Variants in SCLY observed in about 807,000 individuals in gnomAD.
The protein encoded by SCLY is putative selenocysteine lyase.
In SCLY, 38 loss-of-function variants were observed where a neutral mutation model predicts 50.1. The ratio of observed to expected loss-of-function variants is 0.76; its 90% confidence interval spans 0.59 to 0.99. SCLY has a LOEUF of 0.99. Ranked by LOEUF, SCLY falls within the 50% of genes least tolerant of loss-of-function variation. The probability of loss-of-function intolerance (pLI) is 0.00; values close to 1 mark genes in which losing one functional copy is unlikely to be tolerated. For missense variants in SCLY, 600 were observed against 620.0 expected, an observed-to-expected ratio of 0.97 and a Z score of 0.34; for synonymous variants, 243 against 249.4, an observed-to-expected ratio of 0.97 and a Z score of 0.24.
At chr2:238,075,224 A>C (rs541288886) in intron 4 of SCLY, among the ~76,000 whole-genome samples, 13 of 152,292 alleles carry the variant, frequency 8.5e-5, no homozygotes, top group Admixed American at 6.5e-4. Context: ...GTATTACCTT[A>C]ACTAATTTTT....
chr2:238,072,708 T>G (rs1015518416), intron 4 of SCLY, among the ~76,000 whole-genome samples: 1 of 152,268 alleles, frequency 6.6e-6, no homozygotes, highest in African/African-American at 2.4e-5. Flanking sequence ...ATTAAAGTCC[T>G]TGCTCCTATT....
intron 1 of SCLY, among the ~76,000 whole-genome samples, chr2:238,062,600 T>C (rs918686157): frequency 2.0e-5 from 3 of 152,174 alleles, no homozygotes; most frequent in Non-Finnish European, 4.4e-5. Context: ...TTAGTAGAGA[T>C]GGGGTTTCGC....
chr2:238,089,619 T>C (rs950916851), intron 7 of SCLY, among the ~76,000 whole-genome samples: 1 of 150,220 alleles, frequency 6.7e-6, no homozygotes, highest in African/African-American at 2.4e-5. Context: ...ATAAACTTTC[T>C]TAAAACATTG....
At chr2:238,088,847 T>A (rs2065329434) in intron 7 of SCLY, among the ~76,000 whole-genome samples, 1 of 152,220 alleles carries the variant, frequency 6.6e-6, no homozygotes, top group Admixed American at 6.5e-5. Context: ...TTTACTCCTG[T>A]GGCTGGGGGA....
At chr2:238,089,433 A>G (rs2065337695) in intron 7 of SCLY, among the ~76,000 whole-genome samples, 1 of 152,128 alleles carries the variant, frequency 6.6e-6, no homozygotes, top group African/African-American at 2.4e-5. Flanking sequence ...ACCGCAGGAG[A>G]CGCAAATCAG....
At chr2:238,078,154 A>G (rs2065193084) in intron 4 of SCLY, among the ~76,000 whole-genome samples, 1 of 152,196 alleles carries the variant, frequency 6.6e-6, no homozygotes, top group Non-Finnish European at 1.5e-5. Flanking sequence ...GGGTTTCACC[A>G]TGTTGGCCAG....
At chr2:238,076,903 T>C (rs1481193858) in intron 4 of SCLY, among the ~76,000 whole-genome samples, 2 of 152,192 alleles carry the variant, frequency 1.3e-5, no homozygotes, top group Non-Finnish European at 2.9e-5. Flanking sequence ...CTAGAGTATA[T>C]GTCAAGTGCA....
intron 1 of SCLY, among the ~76,000 whole-genome samples, chr2:238,062,806 T>G (rs541692877): frequency 5.3e-5 from 8 of 152,292 alleles, no homozygotes; most frequent in Admixed American, 1.3e-4. Context: ...AGTCATTGTA[T>G]CTGGGTTTTC....
At chr2:238,092,626 CCTT>C (rs1330714814) in intron 8 of SCLY, 3 of 152,344 alleles carry the variant, frequency 2.0e-5, no homozygotes, top group Non-Finnish European at 2.9e-5. Context: ...CAGCCCCTGA[CCTT>C]CTCCGTGCTC....
intron 4 of SCLY, 87 bp from the exon 5 acceptor site, chr2:238,081,622 G>C: frequency 6.6e-7 from 1 of 1,516,932 alleles, no homozygotes; most frequent in Non-Finnish European, 9.0e-7. Context: ...TTTTATAGTT[G>C]TAGAAAACTG....
intron 7 of SCLY, among the ~76,000 whole-genome samples, chr2:238,085,417 A>T (rs2065283440): frequency 6.6e-6 from 1 of 151,932 alleles, no homozygotes; most frequent in South Asian, 2.1e-4. Context: ...GACCACAGAG[A>T]AGAAATAGAG....
At position 238,067,542 on chromosome 2, in the gene SCLY, C is replaced by T. The variant is rs183598983; in HGVS notation, c.203-523C>T. ...AACTGGGTGATGGCCGGATGCATAGCCCTGTTTGAAAGCAGGTGTGTCCCT... is the reference window on the plus strand; with the variant it reads ...AACTGGGTGATGGCCGGATGCATAGTCCTGTTTGAAAGCAGGTGTGTCCCT... On this transcript the variant is annotated intron_variant, in intron 2 of 11. Coordinates refer to ENST00000254663, the MANE Select transcript of SCLY (RefSeq NM_016510.7). The surrounding 1 kb of genome is among the most constrained non-coding windows in gnomAD (Gnocchi z 4.3). Among the ~76,000 whole-genome samples the T allele has an allele frequency of 7.2e-5, 11 of 152,326 alleles. No individual in the cohort carries two copies. Among genetic ancestry groups the T allele is most frequent in the African/African-American group, 2.4e-4 (10 of 41,584 alleles).
At chr2:238,087,674 T>C (rs2065312585) in intron 7 of SCLY, among the ~76,000 whole-genome samples, 1 of 146,910 alleles carries the variant, frequency 6.8e-6, no homozygotes, top group Non-Finnish European at 1.5e-5. Context: ...AGTATTATCC[T>C]GACACTAAAA....
Position 238,096,429 on chromosome 2 carries a change from T to C in SCLY, c.1109-372T>C, listed in dbSNP as rs558393524. ...AAGAGGGAAATGCCTTCTGGCTTAA[T>C]AGAACTCCCACGTGTCTCTACCATC... On this transcript the variant is annotated intron_variant, in intron 10 of 11. Transcript: ENST00000254663. Among the ~76,000 whole-genome samples, 6 of 152,344 alleles carry C rather than the reference T, an allele frequency of 3.9e-5. No homozygotes were observed. The East Asian group carries it at 1.2e-3, about 29-fold the overall frequency.
chr2:238,081,660 G>A, intron 4 of SCLY, 49 bp from the exon 5 acceptor site: 2 of 1,584,022 alleles, frequency 1.3e-6, no homozygotes, highest in Non-Finnish European at 1.7e-6. Flanking sequence ...GCAGTTTTGA[G>A]AGGAATCAAT....
intron 11 of SCLY, among the ~76,000 whole-genome samples, chr2:238,097,675 G>A (rs2106458483): frequency 6.6e-6 from 1 of 152,204 alleles, no homozygotes; most frequent in Non-Finnish European, 1.5e-5. Context: ...AGGGACCCGG[G>A]TGTGATGAGG....
chr2:238,098,671 T>TGGGACCGC lies in SCLY; in HGVS notation c.*316_*317insGGGACCGC, dbSNP rs1295676482. On this transcript the variant is annotated 3_prime_UTR_variant, in exon 12 of 12. Transcript: ENST00000254663. ...TGGGACCGCCCACATAGAACCGTCC[T>TGGGACCGC]CCAGTGGTGAAGCGGAAACACTTAG... The TGGGACCGC allele has an allele frequency of 2.4e-3, 206 of 85,460 alleles. No individual in the cohort carries two copies. The highest frequency in any genetic ancestry group is 6.5e-3 in the South Asian group (12 of 1,852). The allele number at this position is 85,460 out of a possible 1,614,324, so 5.3% of individuals were successfully genotyped here. A position where few individuals can be genotyped will look rare whatever the true frequency, so the allele number is the denominator to read the frequency against.
chr2:238,093,859 A>C lies in SCLY; in HGVS notation c.922-2A>C, dbSNP rs774200864. On this transcript the variant is annotated splice_acceptor_variant, in intron 8 of 11. Coordinates refer to ENST00000254663, the MANE Select transcript of SCLY (RefSeq NM_016510.7). LOFTEE classifies it high-confidence loss of function. ...ATCCACTTGTTGTGTGTCTGCCCCC[A>C]GGCCGCGGAGCTGGTGACCCAGAAC... is the stretch of plus-strand genomic sequence containing the variant. 2 of 1,613,444 alleles carry C rather than the reference A, an allele frequency of 1.2e-6. No individual in the cohort carries two copies. Among genetic ancestry groups the C allele is most frequent in the South Asian group, 2.2e-5 (2 of 90,832 alleles).
At chr2:238,082,279 C>A in intron 6 of SCLY, 70 bp downstream of exon 6, 1 of 1,449,794 alleles carries the variant, frequency 6.9e-7, no homozygotes, top group South Asian at 1.3e-5. Flanking sequence ...ACTCCTCGGT[C>A]CGTAAGCCTC....
Sources: allele counts gnomAD v4.1 joint callset (sites outside exome capture counted in the v4.1 genomes callset), GRCh38; gene constraint gnomAD v4.1.1; non-coding constraint Gnocchi (gnomAD v3.1); transcripts MANE v1.5; gene names NCBI Gene and HGNC (gene_info 2026-07-23, HGNC 2026-07-21).